The following MMP16 variants were observed in gnomAD, a reference collection of about 807,000 sequenced individuals.
MMP16 encodes the protein matrix metallopeptidase 16.
A neutral mutation model predicts 67.8 loss-of-function variants in MMP16; 12 were observed. The ratio of observed to expected loss-of-function variants is 0.18; its 90% CI spans 0.11 to 0.29. The LOEUF (loss-of-function observed/expected upper bound fraction) is 0.29, where lower values mean the gene tolerates loss of function less well. Ranked by LOEUF, MMP16 falls within the 10% of genes least tolerant of loss-of-function variation. The pLI, the probability that MMP16 is intolerant of heterozygous loss-of-function variation, is 1.00. For synonymous variants in MMP16, 249 were observed against 255.9 expected, an observed-to-expected ratio of 0.97 and a Z score of 0.26; for missense variants, 475 against 765.7, an observed-to-expected ratio of 0.62 and a Z score of 4.48.
At chr8:88,263,985 A>T (rs368914327) in intron 1 of MMP16, among the ~76,000 whole-genome samples, 5,531 of 105,236 alleles carry the variant, frequency 0.053, 188 homozygotes, top group Admixed American at 0.15. Context: ...AGAGAGAGAG[A>T]GAGTGTGTGT....
intron 6 of MMP16, among the ~76,000 whole-genome samples, chr8:88,091,550 TACACACACAA>T (rs1489683264): frequency 6.6e-6 from 1 of 150,526 alleles, no homozygotes; most frequent in African/African-American, 2.4e-5. Flanking sequence ...CTAATTCATT[TACACACACAA>T]ACACACACAC....
At position 88,036,332 on chromosome 8, in the gene MMP16, A is replaced by G. The variant is rs1808052966; in HGVS notation, c.*5129T>C. 6.6e-6 allele frequency: 1 copy of G among 151,810 alleles called. No individual in the cohort carries two copies. The highest frequency in any genetic ancestry group is 2.4e-5 in the African/African-American group (1 of 41,386). The allele number at this position is 151,810 out of a possible 1,614,324, so 9.4% of individuals were successfully genotyped here. A position where few individuals can be genotyped will look rare whatever the true frequency, so the allele number is the denominator to read the frequency against. On this transcript the variant is annotated 3_prime_UTR_variant, in exon 10 of 10. Transcript: ENST00000286614. The stretch of plus-strand genomic sequence containing the variant: ...TTATGCTTGCTAAAGTAAAATTTCC[A>G]GTTGTATTATCAAGGAGTGTTATAG...
intron 1 of MMP16, among the ~76,000 whole-genome samples, chr8:88,269,523 T>C (rs992376696): frequency 3.3e-5 from 5 of 152,200 alleles, no homozygotes; most frequent in Non-Finnish European, 7.3e-5. Context: ...ATGTTCAATA[T>C]GAACAAGTAA....
chr8:88,098,375 C>T (rs13257346), intron 6 of MMP16, among the ~76,000 whole-genome samples: 13,153 of 152,014 alleles, frequency 0.087, 804 homozygotes, highest in Middle Eastern at 0.16. Flanking sequence ...GTGGGCTCAG[C>T]GTCTAGGTCT....
At chr8:88,055,919 C>T (rs1808326799) in intron 8 of MMP16, among the ~76,000 whole-genome samples, 1 of 152,072 alleles carries the variant, frequency 6.6e-6, no homozygotes, top group Admixed American at 6.5e-5. Flanking sequence ...TAGGTATACA[C>T]ATTCATAAGA....
intron 1 of MMP16, among the ~76,000 whole-genome samples, chr8:88,225,614 T>A (rs1456481080): frequency 1.3e-5 from 2 of 151,904 alleles, no homozygotes; most frequent in Non-Finnish European, 2.9e-5. Context: ...ACTTTGAATG[T>A]TTTCATCTTT....
At chr8:88,069,611 T>C (rs1395337618) in intron 7 of MMP16, 1 of 448,886 alleles carries the variant, frequency 2.2e-6, no homozygotes, top group Non-Finnish European at 4.3e-6. Flanking sequence ...TTGCTAATTA[T>C]AGAAAATTTA....
intron 1 of MMP16, among the ~76,000 whole-genome samples, chr8:88,304,445 A>G (rs1227533848): frequency 6.6e-6 from 1 of 152,156 alleles, no homozygotes; most frequent in Non-Finnish European, 1.5e-5. Context: ...AACTGCAGAG[A>G]ACCCCAGTAA....
chr8:88,071,572 C>A (rs1808555719), intron 7 of MMP16, among the ~76,000 whole-genome samples: 1 of 151,932 alleles, frequency 6.6e-6, no homozygotes, highest in Non-Finnish European at 1.5e-5. Flanking sequence ...AATAAAAGAG[C>A]AAATTAAAGA....
chr8:88,148,029 A>G (rs762393127), intron 4 of MMP16, among the ~76,000 whole-genome samples: 4 of 152,118 alleles, frequency 2.6e-5, no homozygotes, highest in Non-Finnish European at 5.9e-5. Context: ...CTATACTGCA[A>G]ATTGCAGATT....
intron 4 of MMP16, among the ~76,000 whole-genome samples, chr8:88,140,451 G>A (rs1808194213): frequency 6.6e-6 from 1 of 152,002 alleles, no homozygotes; most frequent in South Asian, 2.1e-4. Flanking sequence ...ATATTCATTG[G>A]GAGATGAATT....
chr8:88,072,848 C>G (rs1451824145), intron 7 of MMP16, among the ~76,000 whole-genome samples: 1 of 152,090 alleles, frequency 6.6e-6, no homozygotes, highest in Non-Finnish European at 1.5e-5. Context: ...TTAGAAGGTA[C>G]TACTTACATA....
chr8:88,274,579 C>G (rs188052139), intron 1 of MMP16, among the ~76,000 whole-genome samples: 1 of 151,804 alleles, frequency 6.6e-6, no homozygotes, highest in Admixed American at 6.6e-5. Context: ...TGAAGGAACA[C>G]CTGCTTGAAT....
At position 88,266,161 on chromosome 8, in the gene MMP16, G is replaced by A. The variant is rs138746689; in HGVS notation, c.132+60914C>T. Among the ~76,000 whole-genome samples the A allele has an allele frequency of 2.2e-4, 33 of 152,154 alleles. 2 individuals are homozygous for A. The East Asian group carries it at 2.7e-3, about 13-fold the overall frequency. ...TCCCATTATTGTAACAAAAATACAT[G>A]CCTAACACTTCCTAATTCTCTCACC... On this transcript the variant is annotated intron_variant, in intron 1 of 9. Coordinates refer to ENST00000286614, the MANE Select transcript of MMP16 (RefSeq NM_005941.5).
intron 4 of MMP16, among the ~76,000 whole-genome samples, chr8:88,131,295 A>AC (rs397711519): frequency 6.5e-4 from 98 of 151,240 alleles, no homozygotes; most frequent in African/African-American, 1.3e-3. Context: ...ACACACACAC[A>AC]ATCTTCCATA....
intron 4 of MMP16, among the ~76,000 whole-genome samples, chr8:88,137,527 T>C (rs973351245): frequency 2.0e-5 from 3 of 152,032 alleles, no homozygotes; most frequent in African/African-American, 7.2e-5. Flanking sequence ...GATGTTCTCT[T>C]TGGATTTAAC....
chr8:88,305,378 T>G (rs927516205), intron 1 of MMP16, among the ~76,000 whole-genome samples: 1 of 152,004 alleles, frequency 6.6e-6, no homozygotes, highest in African/African-American at 2.4e-5. Context: ...CAATATCAGA[T>G]CATCAAGACA....
intron 4 of MMP16, among the ~76,000 whole-genome samples, chr8:88,151,326 T>A (rs541877819): frequency 0.08 from 11,908 of 148,764 alleles, 512 homozygotes; most frequent in African/African-American, 0.11. Context: ...TCAACAAGGA[T>A]ACCCAGGAAT....
chr8:88,300,087 T>C (rs1378010300), intron 1 of MMP16, among the ~76,000 whole-genome samples: 1 of 152,206 alleles, frequency 6.6e-6, no homozygotes, highest in Non-Finnish European at 1.5e-5. Context: ...GCAGACCACA[T>C]GTAAGTGGTA....
Sources: gnomAD v4.1 joint callset for allele counts (sites outside exome capture counted in the v4.1 genomes callset) on GRCh38, gnomAD v4.1.1 for gene constraint, MANE v1.5 for transcripts, NCBI Gene and HGNC (gene_info 2026-07-23, HGNC 2026-07-21) for gene names.